Variants in CARMIL1 observed in about 807,000 individuals in gnomAD.
The protein encoded by CARMIL1 is F-actin-uncapping protein LRRC16A.
In CARMIL1, 90 loss-of-function variants were observed where a neutral mutation model predicts 177.1. The observed-to-expected ratio is 0.51, with a 90% CI of 0.43 to 0.61. The LOEUF is 0.61. CARMIL1 is among the 20% of genes least tolerant of loss of function. The pLI is 0.00. For missense variants in CARMIL1, 1,380 were observed against 1,667.0 expected (o/e 0.83, Z 3.00); for synonymous variants, 577 against 606.2 (o/e 0.95, Z 0.71).
intron 2 of CARMIL1, among the ~76,000 whole-genome samples, chr6:25,323,368 G>T (rs1784823755): frequency 7.3e-6 from 1 of 136,740 alleles, no homozygotes; most frequent in South Asian, 2.4e-4. Flanking sequence ...AGGGTGGCTT[G>T]AAACCAGGAA....
intron 13 of CARMIL1, among the ~76,000 whole-genome samples, chr6:25,490,474 G>C (rs537959942): frequency 6.6e-6 from 1 of 152,164 alleles, no homozygotes. Context: ...AAGGCAGGTG[G>C]ATCTCTGGGG....
intron 2 of CARMIL1, among the ~76,000 whole-genome samples, chr6:25,319,219 A>G (rs1157486104): frequency 3.3e-5 from 5 of 152,150 alleles, no homozygotes; most frequent in Non-Finnish European, 5.9e-5. Context: ...ATTCAGAGAA[A>G]TCCTTTGCTC....
At chr6:25,452,305 T>A (rs1194448167) in intron 8 of CARMIL1, 4 of 737,794 alleles carry the variant, frequency 5.4e-6, no homozygotes, top group Non-Finnish European at 9.8e-6. Context: ...TTAGACAAGA[T>A]GTTTCCTGTG....
chr6:25,391,170 A>G (rs570799801), intron 2 of CARMIL1, among the ~76,000 whole-genome samples: 92 of 152,392 alleles, frequency 6.0e-4, no homozygotes, highest in Middle Eastern at 6.8e-3. Context: ...GTATTTTTCA[A>G]TAATGTTCAC....
chr6:25,564,311 G>A (rs1306564515), intron 29 of CARMIL1, among the ~76,000 whole-genome samples: 1 of 152,154 alleles, frequency 6.6e-6, no homozygotes, highest in Non-Finnish European at 1.5e-5. Context: ...AGGAGTAGAA[G>A]AGGATTTGGT....
At chr6:25,600,897 T>A (rs9295666) in intron 33 of CARMIL1, among the ~76,000 whole-genome samples, 151 bp downstream of exon 33, 69,413 of 152,080 alleles carry the variant, frequency 0.46, 16,041 homozygotes, top group South Asian at 0.55. Flanking sequence ...ACTCTCTTCT[T>A]GCTATTTTGA....
intron 26 of CARMIL1, among the ~76,000 whole-genome samples, chr6:25,550,565 C>G (rs184700534): frequency 4.3e-4 from 66 of 152,144 alleles, no homozygotes; most frequent in African/African-American, 1.6e-3. Flanking sequence ...AAAACAAGTT[C>G]TTGTGGTAAG....
intron 2 of CARMIL1, among the ~76,000 whole-genome samples, chr6:25,320,115 C>T (rs1311558059): frequency 6.6e-6 from 1 of 152,118 alleles, no homozygotes; most frequent in Admixed American, 6.5e-5. Flanking sequence ...TGGCATTTTT[C>T]TGAAGAGAAA....
At chr6:25,562,920 G>C (rs1247590717) in intron 29 of CARMIL1, among the ~76,000 whole-genome samples, 1 of 152,108 alleles carries the variant, frequency 6.6e-6, no homozygotes, top group Non-Finnish European at 1.5e-5. Flanking sequence ...CATTATAAAA[G>C]GTAATTTTGT....
rs59911299 is a variant in CARMIL1, at chr6:25,619,733, C to CTT, written c.*177_*178dup. The CTT allele has an allele frequency of 1.4e-3, 132 of 93,276 alleles. 10 individuals carry two copies. The highest frequency in any genetic ancestry group is 3.9e-3 in the African/African-American group (58 of 14,980). 5.8% of individuals were successfully genotyped at this position (93,276 alleles called of 1,614,324 possible). On this transcript the variant is annotated 3_prime_UTR_variant, in exon 37 of 37. Transcript: ENST00000329474. ...TTTCGCCCCCACCCCCATCCCCTGC[C>CTT]TTTTTTTTTTTTTTTTTTTTTTTTT... is the stretch of plus-strand genomic sequence containing the variant.
chr6:25,450,980 TCCCCC>T (rs1798835754), intron 8 of CARMIL1, among the ~76,000 whole-genome samples: 1 of 2,854 alleles, frequency 3.5e-4, no homozygotes, highest in Non-Finnish European at 5.7e-4. Flanking sequence ...TCTTCTCCTC[TCCCCC>T]TCCCCTCTCC....
intron 2 of CARMIL1, among the ~76,000 whole-genome samples, chr6:25,329,888 C>T (rs79108775): frequency 0.053 from 8,081 of 152,248 alleles, 320 homozygotes; most frequent in Non-Finnish European, 0.089. Flanking sequence ...GTTTTAGTTC[C>T]CAGTCTGGGC....
At chr6:25,313,683 G>GCGTATATATATATATATATATATATA in intron 2 of CARMIL1, among the ~76,000 whole-genome samples, 1 of 133,774 alleles carries the variant, frequency 7.5e-6, no homozygotes, top group African/African-American at 3.3e-5. Flanking sequence ...AGGGAAGGCT[G>GCGTATATATATATATATATATATATA]TATATATACA....
At chr6:25,296,899 A>G (rs1388925230) in intron 2 of CARMIL1, among the ~76,000 whole-genome samples, 1 of 38,558 alleles carries the variant, frequency 2.6e-5, no homozygotes, top group Non-Finnish European at 4.4e-5. Flanking sequence ...ATCTTTATCT[A>G]TCTATCTATC....
At chr6:25,517,551 AC>A in intron 22 of CARMIL1, 136 bp downstream of exon 22, 1 of 637,790 alleles carries the variant, frequency 1.6e-6, no homozygotes. Context: ...TCTACAGCTA[AC>A]CAGCTATGGG....
chr6:25,353,706 T>C (rs1295294975), intron 2 of CARMIL1, among the ~76,000 whole-genome samples: 6 of 152,126 alleles, frequency 3.9e-5, no homozygotes, highest in Non-Finnish European at 7.3e-5. Flanking sequence ...ACTTTGTACG[T>C]TTCTCTTAGA....
intron 12 of CARMIL1, 137 bp downstream of exon 12, chr6:25,482,480 C>A: frequency 2.1e-6 from 1 of 487,794 alleles, no homozygotes; most frequent in Non-Finnish European, 3.5e-6. Context: ...ATTACTCTGG[C>A]AGTTTGAAGA....
At chr6:25,404,859 A>G (rs1794228221) in intron 2 of CARMIL1, among the ~76,000 whole-genome samples, 1 of 148,520 alleles carries the variant, frequency 6.7e-6, no homozygotes, top group Non-Finnish European at 1.5e-5. Flanking sequence ...AGTGCAGGGG[A>G]AAGGAAAGCT....
At chr6:25,580,755 T>C (rs915714036) in intron 29 of CARMIL1, among the ~76,000 whole-genome samples, 169 bp from the exon 30 acceptor site, 3 of 152,240 alleles carry the variant, frequency 2.0e-5, no homozygotes, top group Non-Finnish European at 2.9e-5. Context: ...TTTGAGAAAT[T>C]GTAAACATTT....
Sources: gnomAD v4.1 joint callset for allele counts (sites outside exome capture counted in the v4.1 genomes callset) on GRCh38, gnomAD v4.1.1 for gene constraint, MANE v1.5 for transcripts, NCBI Gene and HGNC (gene_info 2026-07-23, HGNC 2026-07-21) for gene names.